Variants in CPNE9 observed in about 807,000 individuals in gnomAD.
The protein encoded by CPNE9 is copine-9.
CPNE9 carries 59 observed loss-of-function variants against 83.0 expected under a neutral mutation model. The observed-to-expected ratio is 0.71, with a 90% CI of 0.58 to 0.88. The LOEUF (loss-of-function observed/expected upper bound fraction) is 0.88. Among genes scored for constraint, CPNE9 ranks in the 40% least tolerant of loss-of-function variants. The probability of loss-of-function intolerance (pLI) is 0.00; values close to 1 mark genes in which losing one functional copy is unlikely to be tolerated. For missense variants in CPNE9, 619 were observed against 720.8 expected, an observed-to-expected ratio of 0.86 and a Z score of 1.62; for synonymous variants, 256 against 273.4, an observed-to-expected ratio of 0.94 and a Z score of 0.63.
Position 9,729,576 on chromosome 3 carries a change from G to A in CPNE9, c.1546G>A (p.Asp516Asn). Residue 516 changes from aspartate (D) to asparagine (N), a missense_variant, in exon 21 of 21, where the codon GAT becomes AAT. This residue lies in a region of CPNE9 where 438 missense variants were observed against 562.9 expected (regional missense o/e 0.78). Coordinates refer to ENST00000383832, the MANE Select transcript of CPNE9 (RefSeq NM_153635.3). ...QVLSMARLAK[D>N]VLAEIPEQLL... Reference sequence around the variant, plus strand: ...GTTGAGCATGGCCCGACTGGCCAAGGATGTGCTGGCCGAGATCCCGGAGCA... The same window carrying A: ...GTTGAGCATGGCCCGACTGGCCAAGAATGTGCTGGCCGAGATCCCGGAGCA... 6.2e-7 allele frequency: 1 copy of A among 1,614,120 alleles called. No homozygotes were observed. Among genetic ancestry groups the A allele is most frequent in the Non-Finnish European group, 8.5e-7 (1 of 1,180,024 alleles).
chr3:9,729,507 T>A lies in CPNE9; in HGVS notation c.1477T>A (p.Phe493Ile), dbSNP rs1220998897. 1.2e-6 allele frequency: 2 copies of A among 1,610,658 alleles called. No homozygotes were observed. Among genetic ancestry groups the A allele is most frequent in the East Asian group, 4.5e-5 (2 of 44,770 alleles). The part of the protein sequence containing the change: ...GRYAERDIVQ[F>I]VPFRDYVDRS... Reference sequence around the variant, plus strand: ...CTCTTCTTGTCTGTGCCTGACCCAGTTCGTCCCATTCCGAGACTATGTTGA... The same window carrying A: ...CTCTTCTTGTCTGTGCCTGACCCAGATCGTCCCATTCCGAGACTATGTTGA... The change falls in exon 21 of 21, where the codon TTC becomes ATC. Residue 493 changes from phenylalanine (F) to isoleucine (I), a missense_variant and splice_region_variant. By Grantham distance (21) the Phe-to-Ile change is conservative. Around this residue, in one of 3 missense-constraint regions of CPNE9, gnomAD observed 438 missense variants for 562.9 expected, o/e 0.78. Transcript: ENST00000383832.
At position 9,704,369 on chromosome 3, in the gene CPNE9, T is replaced by G. The variant is rs970898919; in HGVS notation, c.69-218T>G. ...CTTTCCTGGGCCCTTGGAGACAGTG[T>G]GGGTGCGTTCGCGTCCAGTCCGCAG... On this transcript the variant is annotated intron_variant, in intron 1 of 20. Coordinates refer to ENST00000383832, the MANE Select transcript of CPNE9 (RefSeq NM_153635.3). This position sits in a 1 kb window ranked among gnomAD's most constrained non-coding sequence, Gnocchi z 7.1. Among the ~76,000 whole-genome samples, 1 of 152,122 alleles carries G rather than the reference T, an allele frequency of 6.6e-6. No homozygotes were observed. Among genetic ancestry groups the G allele is most frequent in the Non-Finnish European group, 1.5e-5 (1 of 68,026 alleles).
At position 9,705,984 on chromosome 3, in the gene CPNE9, T is replaced by C. The variant is rs749928837; in HGVS notation, c.301-3T>C. ...GGTCTTGCTGACTCCTTGTCCTGCA[T>C]AGGATTTCCTGGGACAAGCGTTCCT... is the stretch of plus-strand genomic sequence containing the variant. On this transcript the variant is annotated splice_polypyrimidine_tract_variant and splice_region_variant and intron_variant, in intron 6 of 20. Transcript: ENST00000383832. 24 of 1,613,130 alleles carry C rather than the reference T, an allele frequency of 1.5e-5. No homozygotes were observed. The highest frequency in any genetic ancestry group is 3.3e-4 in the Middle Eastern group (2 of 6,084).
At chr3:9,725,550 C>T (rs1300550607) in intron 17 of CPNE9, among the ~76,000 whole-genome samples, 2 of 148,952 alleles carry the variant, frequency 1.3e-5, no homozygotes, top group African/African-American at 5.0e-5. Context: ...CAAAACAAAA[C>T]AAAAAATGTG....
At chr3:9,721,806 G>T (rs1029746620) in intron 17 of CPNE9, among the ~76,000 whole-genome samples, 2 of 152,302 alleles carry the variant, frequency 1.3e-5, no homozygotes, top group Middle Eastern at 3.4e-3. Context: ...CCAGCTTCAG[G>T]CTCAGCTGGT....
chr3:9,714,821 G>A, intron 10 of CPNE9, 93 bp from the exon 11 acceptor site: 2 of 1,037,528 alleles, frequency 1.9e-6, no homozygotes, highest in South Asian at 1.5e-5. Context: ...CAGATGGGTG[G>A]ATGGGGAGAT....
At chr3:9,713,397 T>C (rs1288026649) in intron 10 of CPNE9, among the ~76,000 whole-genome samples, 16 of 152,096 alleles carry the variant, frequency 1.1e-4, no homozygotes, top group Admixed American at 1.0e-3. Context: ...TGGATATGTA[T>C]GTGGATGGAT....
chr3:9,713,077 C>T lies in CPNE9; in HGVS notation c.648C>T (p.Asp216=), dbSNP rs755791927. 5.6e-6 allele frequency: 9 copies of T among 1,611,780 alleles called. No homozygotes were observed. In the Admixed American group the frequency reaches 1.5e-4, roughly 27 times the overall value. ...PVRALCNGDY[D]RTVKIDVYDW... is the part of the protein sequence containing the mutation. The stretch of plus-strand genomic sequence containing the variant: ...GGGCTCTGTGCAATGGAGACTATGA[C>T]AGGTTGGCTCCAGCATAAGCTGGGG... The change falls in exon 10 of 21, where the codon GAC becomes GAT. Residue 216 remains aspartate (D), a splice_region_variant and synonymous_variant. Coordinates refer to ENST00000383832, the MANE Select transcript of CPNE9 (RefSeq NM_153635.3).
At chr3:9,721,080 T>A (rs2076730009) in intron 17 of CPNE9, among the ~76,000 whole-genome samples, 1 of 152,230 alleles carries the variant, frequency 6.6e-6, no homozygotes. Context: ...TTATCATTAT[T>A]ACTATCCAAA....
chr3:9,716,161 T>C (rs2076682153), intron 14 of CPNE9, 126 bp downstream of exon 14: 2 of 789,498 alleles, frequency 2.5e-6, no homozygotes, highest in Non-Finnish European at 4.2e-6. Context: ...TTTAAAACAC[T>C]TGGCCAACTA....
intron 17 of CPNE9, among the ~76,000 whole-genome samples, chr3:9,719,033 C>T (rs2076711086): frequency 6.6e-6 from 1 of 151,506 alleles, no homozygotes; most frequent in Admixed American, 6.6e-5. Context: ...GACGGGGTTT[C>T]ACCATGTTGG....
chr3:9,721,081 A>G (rs557959228), intron 17 of CPNE9, among the ~76,000 whole-genome samples: 2 of 152,366 alleles, frequency 1.3e-5, no homozygotes, highest in East Asian at 1.9e-4. Flanking sequence ...TATCATTATT[A>G]CTATCCAAAA....
At chr3:9,707,491 T>C (rs2125460390) in intron 7 of CPNE9, among the ~76,000 whole-genome samples, 1 of 151,882 alleles carries the variant, frequency 6.6e-6, no homozygotes, top group African/African-American at 2.4e-5. Context: ...GGATATATTT[T>C]AAAGGTGGAG....
Position 9,703,895 on chromosome 3 carries a change from G to A in CPNE9, c.-102G>A, listed in dbSNP as rs1559632831. 2.0e-6 allele frequency: 2 copies of A among 989,944 alleles called. No individual in the cohort carries two copies. Among genetic ancestry groups the A allele is most frequent in the Non-Finnish European group, 2.8e-6 (2 of 709,612 alleles). The allele number at this position is 989,944 out of a possible 1,614,324, so 61.3% of individuals were successfully genotyped here. The stretch of plus-strand genomic sequence containing the variant: ...TGGAGCGAGTGCAGCCGCCGCCGCC[G>A]CCGACACCGCGGCACATGGGCCGGC... On this transcript the variant is annotated 5_prime_UTR_variant, in exon 1 of 21. Transcript: ENST00000383832.
At chr3:9,705,642 C>A in intron 5 of CPNE9, 76 bp from the exon 6 acceptor site, 1 of 1,592,764 alleles carries the variant, frequency 6.3e-7, no homozygotes, top group South Asian at 1.1e-5. Context: ...TCCCTCTCCT[C>A]CTGCCTGAGT....
intron 14 of CPNE9, among the ~76,000 whole-genome samples, chr3:9,716,411 G>A: frequency 6.6e-6 from 1 of 152,126 alleles, no homozygotes; most frequent in Non-Finnish European, 1.5e-5. Context: ...GGTGGAGGCA[G>A]GCAGACCTGG....
Position 9,725,942 on chromosome 3 carries a change from C to T in CPNE9, c.1242-7C>T. Reference sequence around the variant, plus strand: ...TCAGCTGGATTCTCATTTGGCCTCTCATCCAGGGCTGCAGCCAAGATCTCT... The same window carrying T: ...TCAGCTGGATTCTCATTTGGCCTCTTATCCAGGGCTGCAGCCAAGATCTCT... On this transcript the variant is annotated splice_polypyrimidine_tract_variant and splice_region_variant and intron_variant, in intron 17 of 20. Coordinates refer to ENST00000383832, the MANE Select transcript of CPNE9 (RefSeq NM_153635.3). 1.2e-6 allele frequency: 2 copies of T among 1,606,630 alleles called. No homozygotes were observed. The highest frequency in any genetic ancestry group is 1.7e-6 in the Non-Finnish European group (2 of 1,173,420).
Position 9,713,084 on chromosome 3 carries a change from G to T in CPNE9, c.650+5G>T, listed in dbSNP as rs2076645799. The T allele has an allele frequency of 6.2e-7, 1 of 1,608,934 alleles. No homozygotes were observed. The highest frequency in any genetic ancestry group is 1.1e-5 in the South Asian group (1 of 90,938). On this transcript the variant is annotated splice_donor_5th_base_variant and intron_variant, in intron 10 of 20. Coordinates refer to ENST00000383832, the MANE Select transcript of CPNE9 (RefSeq NM_153635.3). ...GTGCAATGGAGACTATGACAGGTTGGCTCCAGCATAAGCTGGGGAGTAAGG... is the reference window on the plus strand; with the variant it reads ...GTGCAATGGAGACTATGACAGGTTGTCTCCAGCATAAGCTGGGGAGTAAGG...
At chr3:9,708,025 A>C (rs1013018381) in intron 7 of CPNE9, among the ~76,000 whole-genome samples, 1 of 152,188 alleles carries the variant, frequency 6.6e-6, no homozygotes, top group Non-Finnish European at 1.5e-5. Flanking sequence ...TGCAGCCTCC[A>C]GTTCCTGGGC....
Sources: gnomAD v4.1 joint callset for allele counts (sites outside exome capture counted in the v4.1 genomes callset) on GRCh38, gnomAD v4.1.1 for gene constraint, gnomAD v4.1.1 regional missense constraint, Gnocchi (gnomAD v3.1) non-coding constraint, MANE v1.5 for transcripts, NCBI Gene and HGNC (gene_info 2026-07-23, HGNC 2026-07-21) for gene names.